The following LTBP4 variants were observed in gnomAD, a reference collection of about 807,000 sequenced individuals.
The protein encoded by LTBP4 is latent transforming growth factor beta binding protein 4.
A neutral mutation model predicts 180.2 loss-of-function variants in LTBP4; 93 were observed. That is an observed-to-expected ratio of 0.52 (90% CI 0.44 to 0.61). LTBP4 has a LOEUF of 0.61. Among genes scored for constraint, LTBP4 ranks in the 20% least tolerant of loss-of-function variants. LTBP4 has a pLI of 0.00. For synonymous variants in LTBP4, 947 were observed against 934.5 expected, an observed-to-expected ratio of 1.01 and a Z score of -0.24; for missense variants, 2,116 against 2,256.5, an observed-to-expected ratio of 0.94 and a Z score of 1.26.
chr19:40,628,848 C>CT (rs368145623), intron 29 of LTBP4, among the ~76,000 whole-genome samples: 3,645 of 148,966 alleles, frequency 0.024, 148 homozygotes, highest in African/African-American at 0.081. Context: ...TTTTTTTCTT[C>CT]TTTTTTTTTT....
At position 40,614,471 on chromosome 19, in the gene LTBP4, G is replaced by A. The variant is rs4435368; in HGVS notation, c.2812+25G>A. On this transcript the variant is annotated intron_variant, in intron 19 of 29. Transcript: ENST00000396819. ...GGTGAGCCTGCCCCCACCCGCCTTC[G>A]CTAGCGCTTGCAACGCGGTGCTGGA... is the stretch of plus-strand genomic sequence containing the variant. 0.099 allele frequency: 157,800 copies of A among 1,590,906 alleles called. 9,060 individuals are homozygous for A. Among genetic ancestry groups the A allele is most frequent in the African/African-American group, 0.24 (18,058 of 74,804 alleles).
Position 40,615,118 on chromosome 19 carries a change from C to T in LTBP4, c.2812+672C>T, listed in dbSNP as rs376802242. On this transcript the variant is annotated intron_variant, in intron 19 of 29. Transcript: ENST00000396819. ...CTTCCCTCCCGCCCCGCTCTTTCAC[C>T]CCTCCCGGGTCAGGCTCCAGCGAGG... is the stretch of plus-strand genomic sequence containing the variant. Among the ~76,000 whole-genome samples the T allele has an allele frequency of 1.3e-4, 20 of 149,948 alleles. 1 individual carries two copies. Among genetic ancestry groups the T allele is most frequent in the African/African-American group, 4.9e-4 (20 of 40,796 alleles).
In LTBP4 at chr19:40,625,849, A is replaced by G. The variant is rs940738605; in HGVS notation, c.3833-8A>G. 7 of 1,569,102 alleles carry G rather than the reference A, an allele frequency of 4.5e-6. No individual in the cohort carries two copies. Among genetic ancestry groups the G allele is most frequent in the Admixed American group, 1.9e-5 (1 of 53,604 alleles). ...GCCCACTCTGACACATGCTGTCTCC[A>G]CCTACAGATGACAATCTGGGAGTGT... On this transcript the variant is annotated splice_region_variant and splice_polypyrimidine_tract_variant and intron_variant, in intron 26 of 29. Transcript: ENST00000396819.
At chr19:40,614,197 T>A in intron 18 of LTBP4, 118 bp from the exon 19 acceptor site, 1 of 1,442,752 alleles carries the variant, frequency 6.9e-7, no homozygotes. Context: ...ACCCCAATCT[T>A]CTCCTGCCCT....
upstream of LTBP4, chr19:40,597,390 C>T (rs1461005574): frequency 6.6e-7 from 1 of 1,506,356 alleles, no homozygotes; most frequent in Non-Finnish European, 8.8e-7. Flanking sequence ...GGTAAGCCCC[C>T]TGCTTCCTTG....
In LTBP4 at chr19:40,629,328, TA is replaced by T. The variant is rs1227007069; in HGVS notation, c.4520-66del. On this transcript the variant is annotated intron_variant, in intron 29 of 29. Coordinates refer to ENST00000396819, the MANE Select transcript of LTBP4 (RefSeq NM_001042545.2). The surrounding 1 kb of genome is among the most constrained non-coding windows in gnomAD (Gnocchi z 4.5). ...TCTGTGCTCCTCTGTTCCAAGAACT[TA>T]AGGGGCCAAGGAGGCGAGCTTCTGG... The T allele has an allele frequency of 7.5e-5, 120 of 1,600,302 alleles. No individual in the cohort carries two copies. In the Middle Eastern group the frequency reaches 5.5e-3, roughly 73 times the overall value.
upstream of LTBP4, among the ~76,000 whole-genome samples, chr19:40,601,192 T>A (rs1259091180): frequency 1.3e-5 from 2 of 151,692 alleles, no homozygotes; most frequent in Non-Finnish European, 2.9e-5. Context: ...CCCCTGCGAG[T>A]CTAGCGCCCA....
intron 22 of LTBP4, among the ~76,000 whole-genome samples, chr19:40,620,427 G>A (rs1321519479): frequency 1.3e-5 from 2 of 150,854 alleles, no homozygotes; most frequent in African/African-American, 2.4e-5. Flanking sequence ...TTGTAGAGAT[G>A]TGGTTTTGTC....
In LTBP4 at chr19:40,629,385, C is replaced by G. The variant is rs759580555; in HGVS notation, c.4520-11C>G. The G allele has an allele frequency of 1.5e-5, 24 of 1,612,556 alleles. No individual in the cohort carries two copies. Among genetic ancestry groups the G allele is most frequent in the Non-Finnish European group, 1.4e-5 (16 of 1,179,466 alleles). ...CAGCCTTCAGCAGCGATCGTTGTCTCCCCTCCGCAGACATCAACGAGTGTG... is the reference window on the plus strand; with the variant it reads ...CAGCCTTCAGCAGCGATCGTTGTCTGCCCTCCGCAGACATCAACGAGTGTG... On this transcript the variant is annotated splice_polypyrimidine_tract_variant and intron_variant, in intron 29 of 29. Coordinates refer to ENST00000396819, the MANE Select transcript of LTBP4 (RefSeq NM_001042545.2). This position sits in a 1 kb window ranked among gnomAD's most constrained non-coding sequence, Gnocchi z 4.5.
upstream of LTBP4, chr19:40,597,346 G>A (rs910799050): frequency 1.3e-6 from 2 of 1,522,860 alleles, no homozygotes; most frequent in Non-Finnish European, 1.8e-6. Flanking sequence ...CAGCCAGGTC[G>A]TCGAGGTCCC....
At chr19:40,625,289 TATATATATATATATATATATATATA>T (rs1189491743) in intron 26 of LTBP4, among the ~76,000 whole-genome samples, 128 of 10,456 alleles carry the variant, frequency 0.012, 38 homozygotes, top group Non-Finnish European at 0.013. Context: ...TATATATATA[TATATATATATATATATATATATATA>T]TATTTTTTTT....
At chr19:40,600,082 G>C, upstream of LTBP4, 1 of 1,263,236 alleles carries the variant, frequency 7.9e-7, no homozygotes, top group Non-Finnish European at 1.0e-6. The surrounding 1 kb of genome is among the most constrained non-coding windows in gnomAD (Gnocchi z 4.4). Flanking sequence ...CAGGAGGCCA[G>C]AGCTCTACTG....
rs1298395065 is a variant in LTBP4 at position 40,627,272 on chromosome 19, G to A, written c.4283G>A (p.Gly1428Asp). The A allele has an allele frequency of 1.9e-6, 3 of 1,554,144 alleles. No individual in the cohort carries two copies. The highest frequency in any genetic ancestry group is 2.7e-5 in the African/African-American group (2 of 73,678). ...GAGGCTCCTGCGCCACCTGGCCCGG[G>A]CACCCGCTGGCCCTATCGGTCCCGG... ...ESEAPAPPGP[G>D]TRWPYRSRDT... The change falls in exon 28 of 30, where the codon GGC becomes GAC. Residue 1428 changes from glycine (G) to aspartate (D), a missense_variant. Gly to Asp is a moderately conservative substitution (Grantham distance 94, BLOSUM62 -1). Transcript: ENST00000396819.
In LTBP4 at chr19:40,612,115, A is replaced by G; in HGVS notation, c.2222A>G (p.Glu741Gly). The change falls in exon 15 of 30, where the codon GAG (glutamate) becomes GGG (glycine). Residue 741 changes from glutamate to glycine, a missense_variant. Coordinates refer to ENST00000396819, the MANE Select transcript of LTBP4 (RefSeq NM_001042545.2). Reference sequence around the variant, plus strand: ...AACCACCTCGCATGCCCTGGGCAGGAGTGTGTGAACTCGCCCGGCTCCTTC... The same window carrying G: ...AACCACCTCGCATGCCCTGGGCAGGGGTGTGTGAACTCGCCCGGCTCCTTC... ...CENHLACPGQ[E>G]CVNSPGSFQC... 1 of 1,613,628 alleles carries G rather than the reference A, an allele frequency of 6.2e-7. No homozygotes were observed. The highest frequency in any genetic ancestry group is 8.5e-7 in the Non-Finnish European group (1 of 1,179,748).
At chr19:40,599,885 A>C, upstream of LTBP4, 1 of 474,548 alleles carries the variant, frequency 2.1e-6, no homozygotes. Flanking sequence ...AACCCCCATC[A>C]TCTCTCTTTC....
At chr19:40,600,798 T>C (rs767055084), upstream of LTBP4, among the ~76,000 whole-genome samples, 75 of 152,206 alleles carry the variant, frequency 4.9e-4, no homozygotes, top group Non-Finnish European at 7.8e-4. The surrounding 1 kb of genome is among the most constrained non-coding windows in gnomAD (Gnocchi z 4.4). Context: ...TGTGGCGTTC[T>C]GGCCAGATGT....
In LTBP4 at chr19:40,613,310, C is replaced by A. The variant is rs1348739896; in HGVS notation, c.2432-94C>A. The A allele has an allele frequency of 6.5e-6, 10 of 1,549,340 alleles. No homozygotes were observed. The highest frequency in any genetic ancestry group is 1.4e-5 in the African/African-American group (1 of 73,354). ...GGCGCTGTGGGAGGAGCTTAGAAAC[C>A]TGGCATTGGTGGGGGCGGGGTTACT... On this transcript the variant is annotated intron_variant, in intron 16 of 29. Transcript: ENST00000396819. This position sits in a 1 kb window ranked among gnomAD's most constrained non-coding sequence, Gnocchi z 5.0.
chr19:40,622,448 C>T lies in LTBP4; in HGVS notation c.3265C>T (p.Pro1089Ser), dbSNP rs778145816. 2 of 1,594,928 alleles carry T rather than the reference C, an allele frequency of 1.3e-6. No homozygotes were observed. Among genetic ancestry groups the T allele is most frequent in the Non-Finnish European group, 1.7e-6 (2 of 1,169,294 alleles). ...QPQAPASPVL[P>S]ARPPPPPLPR... ...CCAGGCACCTGCTAGCCCCGTTCTG[C>T]CCGCCAGGCCACCTCCGCCACCCCT... Residue 1089 changes from proline (P) to serine (S), a missense_variant, in exon 23 of 30, where the codon CCC becomes TCC. Physicochemically the swap from Pro to Ser is moderately conservative, Grantham distance 74. Transcript: ENST00000396819. This position sits in a 1 kb window ranked among gnomAD's most constrained non-coding sequence, Gnocchi z 5.1.
chr19:40,614,558 A>C, intron 19 of LTBP4, 112 bp downstream of exon 19: 1 of 1,337,588 alleles, frequency 7.5e-7, no homozygotes, highest in South Asian at 1.4e-5. Context: ...GGAGGGAAAG[A>C]ACACCCTCTC....
Sources: allele counts gnomAD v4.1 joint callset (sites outside exome capture counted in the v4.1 genomes callset), GRCh38; gene constraint gnomAD v4.1.1; non-coding constraint Gnocchi (gnomAD v3.1); transcripts MANE v1.5; gene names NCBI Gene and HGNC (gene_info 2026-07-23, HGNC 2026-07-21).